Variants in ADGRL3 observed in about 807,000 individuals in gnomAD.
ADGRL3 encodes the protein calcium-independent alpha-latrotoxin receptor 3.
In ADGRL3, 62 loss-of-function variants were observed where a neutral mutation model predicts 153.5. That is an observed-to-expected ratio of 0.40 (90% confidence interval 0.33 to 0.50). The LOEUF is 0.50. Among genes scored for constraint, ADGRL3 ranks in the 20% least tolerant of loss-of-function variants. The pLI is 0.47. For synonymous variants in ADGRL3, 710 were observed against 672.5 expected (o/e 1.06, Z -0.86); for missense variants, 1,641 against 1,859.4 (o/e 0.88, Z 2.16).
chr4:61,487,267 C>G (rs1435590393), intron 2 of ADGRL3, among the ~76,000 whole-genome samples: 3 of 152,122 alleles, frequency 2.0e-5, no homozygotes, highest in Admixed American at 2.0e-4. Flanking sequence ...ACTATGTGGC[C>G]TCAACAAGTT....
chr4:61,703,617 A>C (rs2095805349), intron 6 of ADGRL3, among the ~76,000 whole-genome samples: 1 of 152,120 alleles, frequency 6.6e-6, no homozygotes, highest in Admixed American at 6.5e-5. Context: ...TTAGAAAAAA[A>C]AAAGATTCAT....
At chr4:61,722,666 G>A (rs186901327) in intron 6 of ADGRL3, among the ~76,000 whole-genome samples, 30 of 152,100 alleles carry the variant, frequency 2.0e-4, no homozygotes, top group South Asian at 6.2e-4. Context: ...TAGAAAATAC[G>A]TCAAATATAT....
chr4:61,859,776 C>T (rs1483961044), intron 9 of ADGRL3, among the ~76,000 whole-genome samples: 2 of 152,126 alleles, frequency 1.3e-5, no homozygotes, highest in Non-Finnish European at 2.9e-5. Flanking sequence ...GTGTGTAGTA[C>T]TAAAGTGACA....
chr4:62,009,148 A>G (rs1195705508), intron 21 of ADGRL3, among the ~76,000 whole-genome samples: 1 of 152,208 alleles, frequency 6.6e-6, no homozygotes, highest in Non-Finnish European at 1.5e-5. Flanking sequence ...ACATGACTGT[A>G]TATGCTTTCT....
intron 2 of ADGRL3, among the ~76,000 whole-genome samples, chr4:61,469,780 G>C (rs1334906301): frequency 6.6e-6 from 1 of 151,990 alleles, no homozygotes; most frequent in Non-Finnish European, 1.5e-5. Flanking sequence ...AAGTAGTATA[G>C]AAATTCATTT....
intron 2 of ADGRL3, among the ~76,000 whole-genome samples, chr4:61,425,781 T>A (rs1316812553): frequency 2.0e-5 from 3 of 152,192 alleles, no homozygotes; most frequent in Non-Finnish European, 4.4e-5. Flanking sequence ...ATATATTAAA[T>A]ACCCAAGGAG....
At chr4:62,067,024 A>C (rs1743313129) in intron 25 of ADGRL3, among the ~76,000 whole-genome samples, 1 of 152,134 alleles carries the variant, frequency 6.6e-6, no homozygotes, top group South Asian at 2.1e-4. Flanking sequence ...AATGAGCCAT[A>C]ATGAGCCTGC....
intron 2 of ADGRL3, among the ~76,000 whole-genome samples, chr4:61,443,911 G>A (rs991217001): frequency 6.6e-6 from 1 of 152,038 alleles, no homozygotes; most frequent in Non-Finnish European, 1.5e-5. Flanking sequence ...ATTTTCAGTC[G>A]GTGTGATTTT....
At chr4:61,446,681 T>C (rs1300199742) in intron 2 of ADGRL3, among the ~76,000 whole-genome samples, 1 of 152,192 alleles carries the variant, frequency 6.6e-6, no homozygotes, top group African/African-American at 2.4e-5. Context: ...AGTTTGTAAA[T>C]GTGGAGCTCT....
chr4:61,887,835 T>G (rs1349824988), intron 9 of ADGRL3, among the ~76,000 whole-genome samples: 1 of 151,976 alleles, frequency 6.6e-6, no homozygotes, highest in Non-Finnish European at 1.5e-5. Context: ...CAGAGTGAGA[T>G]TCCATCTCAA....
chr4:61,655,253 C>T (rs2094409753), intron 5 of ADGRL3, among the ~76,000 whole-genome samples: 1 of 152,088 alleles, frequency 6.6e-6, no homozygotes, highest in African/African-American at 2.4e-5. Flanking sequence ...GCTATAATAG[C>T]TGACAAGTGA....
At chr4:61,962,673 T>C (rs1259952693) in intron 17 of ADGRL3, among the ~76,000 whole-genome samples, 2 of 152,178 alleles carry the variant, frequency 1.3e-5, no homozygotes, top group African/African-American at 4.8e-5. Context: ...TGCATCAAGA[T>C]GTTCAGTTAC....
At chr4:61,362,872 CCTT>C (rs1450228794) in intron 1 of ADGRL3, among the ~76,000 whole-genome samples, 11 of 151,974 alleles carry the variant, frequency 7.2e-5, no homozygotes, top group African/African-American at 2.7e-4. Context: ...TGAAAAAAAA[CCTT>C]CTGATCACTT....
chr4:61,918,122 G>C (rs2098752974), intron 13 of ADGRL3, among the ~76,000 whole-genome samples: 1 of 152,126 alleles, frequency 6.6e-6, no homozygotes, highest in Non-Finnish European at 1.5e-5. Context: ...GGGATACTGA[G>C]GTAATTATTC....
intron 5 of ADGRL3, among the ~76,000 whole-genome samples, chr4:61,659,638 C>T (rs1057377695): frequency 4.6e-5 from 7 of 152,066 alleles, no homozygotes; most frequent in African/African-American, 9.7e-5. Context: ...TACCTTGAAT[C>T]GAGAACAAAG....
chr4:61,635,106 C>T (rs1186837806), intron 5 of ADGRL3, among the ~76,000 whole-genome samples: 1 of 152,102 alleles, frequency 6.6e-6, no homozygotes, highest in Non-Finnish European at 1.5e-5. Flanking sequence ...GGGCCTTACA[C>T]TGAGCAAGTG....
At chr4:61,989,309 A>G (rs1360992246) in intron 19 of ADGRL3, among the ~76,000 whole-genome samples, 1 of 152,090 alleles carries the variant, frequency 6.6e-6, no homozygotes, top group East Asian at 1.9e-4. Flanking sequence ...CTAAGCAATT[A>G]TTATATGATG....
intron 8 of ADGRL3, among the ~76,000 whole-genome samples, chr4:61,757,735 C>T (rs1014920065): frequency 6.6e-6 from 1 of 152,128 alleles, no homozygotes; most frequent in African/African-American, 2.4e-5. Context: ...TTAGATCTTT[C>T]CTGCTTTCTC....
chr4:61,217,446 A>C (rs1467384102), intron 1 of ADGRL3, among the ~76,000 whole-genome samples: 1 of 152,194 alleles, frequency 6.6e-6, no homozygotes, highest in Admixed American at 6.5e-5. Flanking sequence ...AGGTTAATAG[A>C]GCTGAGTACA....
Sources: allele counts gnomAD v4.1 joint callset (sites outside exome capture counted in the v4.1 genomes callset), GRCh38; gene constraint gnomAD v4.1.1; transcripts MANE v1.5; gene names NCBI Gene and HGNC (gene_info 2026-07-23, HGNC 2026-07-21).